Variants in CTPS2 observed in about 807,000 individuals in gnomAD.
CTPS2 encodes CTP synthase 2, also known as CTP synthase II.
In CTPS2, 19 loss-of-function variants were observed where a neutral mutation model predicts 46.8. The ratio of observed to expected loss-of-function variants is 0.41; its 90% CI spans 0.28 to 0.60. The LOEUF (loss-of-function observed/expected upper bound fraction) is 0.60. CTPS2 is among the 20% of genes least tolerant of loss of function. The probability of loss-of-function intolerance (pLI) is 0.35; values close to 1 mark genes in which losing one functional copy is unlikely to be tolerated. For missense variants in CTPS2, 286 were observed against 447.6 expected, an observed-to-expected ratio of 0.64 and a Z score of 3.26; for synonymous variants, 151 against 165.2, an observed-to-expected ratio of 0.91 and a Z score of 0.66.
chrX:16,612,225 A>G (rs1246039619), intron 16 of CTPS2, among the ~76,000 whole-genome samples: 2 of 112,447 alleles, frequency 1.8e-5, no homozygotes, highest in African/African-American at 6.5e-5. Context: ...CTGACATTAT[A>G]TAATATTAAT....
rs1438066755 is a variant in CTPS2 at position 16,617,163 on chromosome X, G to T, written c.1533C>A (p.Ile511=). 2 of 1,205,897 alleles carry T rather than the reference G, an allele frequency of 1.7e-6. No homozygotes were observed. Among genetic ancestry groups the T allele is most frequent in the Non-Finnish European group, 2.2e-6 (2 of 891,515 alleles). Residue 511 remains isoleucine (I), a synonymous_variant, in exon 16 of 19, where the codon ATC becomes ATA. Coordinates refer to ENST00000359276, the MANE Select transcript of CTPS2 (RefSeq NM_175859.3). ...GAGCCCACTTACTTGCCAGTTCAAT[G>T]ATTTCCATCCTGTCTCCATCAACAT... The part of the protein sequence containing the change: ...GQDVDGDRME[I]IELANHPYFV...
chrX:16,650,947 C>T, intron 13 of CTPS2: 1 of 1,103,111 alleles, frequency 9.1e-7, no homozygotes, highest in Middle Eastern at 2.5e-4. Context: ...ACCCTCAGCA[C>T]AAAACTGTAC....
In CTPS2 at chrX:16,644,476, A is replaced by T. The variant is rs183542292; in HGVS notation, c.1297-5233T>A. 2.9e-4 allele frequency among the ~76,000 whole-genome samples: 32 copies of T among 111,568 alleles called. No homozygotes were observed. The East Asian group carries it at 7.6e-3, about 27-fold the overall frequency. The stretch of plus-strand genomic sequence containing the variant: ...TCTTGAGAAGGGAAGATTCTGGATT[A>T]TCAGGGTGGGCCCATTGTAACCACA... On this transcript the variant is annotated intron_variant, in intron 13 of 18. Coordinates refer to ENST00000359276, the MANE Select transcript of CTPS2 (RefSeq NM_175859.3).
At chrX:16,612,060 A>C (rs1930288872) in intron 16 of CTPS2, among the ~76,000 whole-genome samples, 1 of 112,153 alleles carries the variant, frequency 8.9e-6, no homozygotes, top group Non-Finnish European at 1.9e-5. Flanking sequence ...GGGACAGACT[A>C]TGTGAATGAA....
intron 9 of CTPS2, among the ~76,000 whole-genome samples, chrX:16,681,379 A>G (rs1181556896): frequency 6.3e-5 from 7 of 111,518 alleles, no homozygotes; most frequent in Non-Finnish European, 1.3e-4. Context: ...AGTTTTTGCC[A>G]TTTAAGTCAA....
At chrX:16,659,737 T>C (rs1458367503) in intron 13 of CTPS2, among the ~76,000 whole-genome samples, 1 of 111,891 alleles carries the variant, frequency 8.9e-6, no homozygotes, top group Admixed American at 9.5e-5. Context: ...TTCACGTAGT[T>C]ACTGTTGTGT....
At chrX:16,673,168 G>C (rs1168572394) in intron 10 of CTPS2, among the ~76,000 whole-genome samples, 2 of 110,664 alleles carry the variant, frequency 1.8e-5, no homozygotes, top group Non-Finnish European at 3.8e-5. Flanking sequence ...TTACAGGCGT[G>C]AGCCACCGCG....
At chrX:16,624,008 C>T (rs1369504143) in intron 14 of CTPS2, among the ~76,000 whole-genome samples, 7 of 107,968 alleles carry the variant, frequency 6.5e-5, no homozygotes, top group Non-Finnish European at 1.1e-4. Flanking sequence ...GGGGTTTCAC[C>T]GTGTTAGCCA....
intron 17 of CTPS2, among the ~76,000 whole-genome samples, chrX:16,604,944 A>G (rs1929886301): frequency 1.8e-5 from 2 of 112,013 alleles, no homozygotes. Flanking sequence ...TTTATTTTCA[A>G]AATGGTTTGT....
In CTPS2 at chrX:16,650,858, G is replaced by A. The variant is rs558085699; in HGVS notation, c.1297-11615C>T. The A allele has an allele frequency of 1.4e-5, 7 of 503,711 alleles. 1 individual carries two copies. Among genetic ancestry groups the A allele is most frequent in the South Asian group, 9.9e-5 (3 of 30,398 alleles). 41.5% of individuals were successfully genotyped at this position (503,711 alleles called of 1,213,427 possible). The stretch of plus-strand genomic sequence containing the variant: ...TGTTAGTAGTTACTGGTGCCATTCC[G>A]ACCCCGACATTCTCTTTTCCTTATT... On this transcript the variant is annotated intron_variant, in intron 13 of 18. Transcript: ENST00000359276.
intron 13 of CTPS2, chrX:16,650,864 G>A (rs865831860): frequency 1.1e-5 from 6 of 527,394 alleles, no homozygotes; most frequent in South Asian, 3.2e-5. Flanking sequence ...TTCCGACCCC[G>A]ACATTCTCTT....
At chrX:16,648,437 A>G (rs1932435335) in intron 13 of CTPS2, among the ~76,000 whole-genome samples, 1 of 112,183 alleles carries the variant, frequency 8.9e-6, no homozygotes, top group South Asian at 3.7e-4. Context: ...ACTGGTGTTC[A>G]TTGCACTATT....
intron 10 of CTPS2, among the ~76,000 whole-genome samples, chrX:16,673,070 T>C (rs1332241632): frequency 1.8e-4 from 19 of 105,892 alleles, no homozygotes; most frequent in Non-Finnish European, 5.8e-5. Flanking sequence ...GTATTTTTAG[T>C]AGAGACGGGG....
intron 13 of CTPS2, among the ~76,000 whole-genome samples, chrX:16,664,125 T>C (rs186317854): frequency 1.0e-3 from 115 of 112,418 alleles, no homozygotes; most frequent in Middle Eastern, 4.6e-3. Context: ...CATGAGCCAC[T>C]GCGCCCGGCC....
intron 14 of CTPS2, among the ~76,000 whole-genome samples, chrX:16,624,473 G>A (rs1931020838): frequency 8.9e-6 from 1 of 111,932 alleles, no homozygotes; most frequent in African/African-American, 3.3e-5. Context: ...ACTCTCAGGA[G>A]AGTGTCTGGC....
chrX:16,636,894 G>T (rs1194235586), intron 14 of CTPS2, among the ~76,000 whole-genome samples: 1 of 110,567 alleles, frequency 9.0e-6, no homozygotes, highest in African/African-American at 3.3e-5. Flanking sequence ...TCCAGCCTGG[G>T]CGACAGAGCC....
chrX:16,658,563 A>G (rs1015729965), intron 13 of CTPS2, among the ~76,000 whole-genome samples: 1 of 112,112 alleles, frequency 8.9e-6, no homozygotes, highest in Non-Finnish European at 1.9e-5. Flanking sequence ...CTGAGAAGTA[A>G]ATGTCTGAGT....
intron 2 of CTPS2, among the ~76,000 whole-genome samples, chrX:16,702,120 T>C (rs1924630072): frequency 9.0e-6 from 1 of 111,090 alleles, no homozygotes; most frequent in South Asian, 3.8e-4. Context: ...AATGGCTCGA[T>C]CTTGGCTCAC....
At chrX:16,703,659 T>C (rs1038963054) in intron 1 of CTPS2, among the ~76,000 whole-genome samples, 2 of 111,779 alleles carry the variant, frequency 1.8e-5, no homozygotes, top group South Asian at 7.4e-4. Context: ...CACACAGCAG[T>C]TTTCTGTCCA....
Sources: allele counts gnomAD v4.1 joint callset (sites outside exome capture counted in the v4.1 genomes callset), GRCh38; gene constraint gnomAD v4.1.1; transcripts MANE v1.5; gene names NCBI Gene and HGNC (gene_info 2026-07-23, HGNC 2026-07-21).